The following ADAMTSL1 variants were observed in gnomAD, a reference collection of about 807,000 sequenced individuals.
The protein encoded by ADAMTSL1 is ADAMTS-like protein 1.
Under a neutral mutation model 201.8 loss-of-function variants are expected in ADAMTSL1, and 126 were observed. That is an observed-to-expected ratio of 0.62 (90% CI 0.54 to 0.72). ADAMTSL1 has a LOEUF of 0.72. ADAMTSL1 is among the 30% of genes least tolerant of loss of function. ADAMTSL1 has a pLI of 0.00. For missense variants in ADAMTSL1, 2,679 were observed against 2,277.8 expected, an observed-to-expected ratio of 1.18 and a Z score of -3.59; for synonymous variants, 1,121 against 903.4, an observed-to-expected ratio of 1.24 and a Z score of -4.32.
At chr9:18,836,857 A>G (rs981305215) in intron 23 of ADAMTSL1, among the ~76,000 whole-genome samples, 1 of 151,844 alleles carries the variant, frequency 6.6e-6, no homozygotes, top group African/African-American at 2.4e-5. Flanking sequence ...ATTTTTGTGT[A>G]TTTTTGTGTT....
intron 15 of ADAMTSL1, among the ~76,000 whole-genome samples, chr9:18,732,538 G>A (rs1406659365): frequency 1.3e-5 from 2 of 152,304 alleles, no homozygotes; most frequent in Middle Eastern, 3.4e-3. Flanking sequence ...AGGGAGGAAG[G>A]TCCTTTGACA....
chr9:18,265,983 C>T lies in ADAMTSL1; in HGVS notation c.207+102002C>T, dbSNP rs977588841. On this transcript the variant is annotated intron_variant, in intron 2 of 29. Coordinates refer to the ADAMTSL1 transcript ENST00000680146. ...TTTTGAGTGATATTTGTGACATTAA[C>T]ATGGAATAACTTTAATTTAAAATAA... 4.6e-5 allele frequency among the ~76,000 whole-genome samples: 7 copies of T among 151,970 alleles called. No individual in the cohort carries two copies. In the East Asian group the frequency reaches 5.8e-4, roughly 13 times the overall value.
chr9:18,537,553 C>T (rs530348803), intron 3 of ADAMTSL1, among the ~76,000 whole-genome samples: 12 of 152,152 alleles, frequency 7.9e-5, no homozygotes, highest in African/African-American at 2.2e-4. Context: ...AAAGTACTTA[C>T]GTTATATTTT....
chr9:18,905,759 T>C, intron 26 of ADAMTSL1, 23 bp from the exon 27 acceptor site: 1 of 1,595,082 alleles, frequency 6.3e-7, no homozygotes, highest in Non-Finnish European at 8.6e-7. Context: ...ATGTGCGGTA[T>C]GTTACCTTTT....
At chr9:18,539,409 G>C (rs1052153441) in intron 3 of ADAMTSL1, among the ~76,000 whole-genome samples, 1 of 152,190 alleles carries the variant, frequency 6.6e-6, no homozygotes, top group Non-Finnish European at 1.5e-5. Context: ...GACCATGTCT[G>C]ATTCTTTCAC....
chr9:18,451,333 A>G (rs1385859326), intron 2 of ADAMTSL1, among the ~76,000 whole-genome samples: 4 of 152,166 alleles, frequency 2.6e-5, no homozygotes, highest in East Asian at 3.9e-4. Context: ...CATTTTTTCA[A>G]CCTAGCTTAT....
At chr9:18,761,267 A>C (rs1188301416) in intron 16 of ADAMTSL1, among the ~76,000 whole-genome samples, 1 of 152,250 alleles carries the variant, frequency 6.6e-6, no homozygotes, top group Non-Finnish European at 1.5e-5. Context: ...TACCAAGAAG[A>C]AACCAGAAAT....
chr9:18,060,462 G>A (rs1031217772), intron 1 of ADAMTSL1, among the ~76,000 whole-genome samples: 6 of 152,150 alleles, frequency 3.9e-5, no homozygotes, highest in Non-Finnish European at 7.4e-5. Context: ...GAGGGTCAGA[G>A]TCTGTATGAT....
chr9:18,308,707 C>G (rs1295552411), intron 2 of ADAMTSL1, among the ~76,000 whole-genome samples: 1 of 151,976 alleles, frequency 6.6e-6, no homozygotes, highest in East Asian at 1.9e-4. Context: ...GCCTACCAAC[C>G]AAAAAAAGTC....
intron 2 of ADAMTSL1, among the ~76,000 whole-genome samples, chr9:18,185,377 T>C (rs1828688871): frequency 6.6e-6 from 1 of 152,140 alleles, no homozygotes; most frequent in African/African-American, 2.4e-5. Flanking sequence ...AAGTAAACAC[T>C]TCCCCTGATG....
chr9:18,795,442 G>A lies in ADAMTSL1; in HGVS notation c.3723G>A (p.Val1241=), dbSNP rs1822359682. 6.2e-7 allele frequency: 1 copy of A among 1,613,870 alleles called. No homozygotes were observed. Among genetic ancestry groups the A allele is most frequent in the Non-Finnish European group, 8.5e-7 (1 of 1,179,848 alleles). Residue 1241 remains valine (V), a synonymous_variant, in exon 20 of 29, where the codon GTG becomes GTA. Transcript: ENST00000380548. ...PDDSLQILAP[V]EADVGFYTCN... Reference sequence around the variant, plus strand: ...ATTCCTTACAGATCTTGGCACCAGTGGAAGCAGATGTGGGTTTCTACACTT... The same window carrying A: ...ATTCCTTACAGATCTTGGCACCAGTAGAAGCAGATGTGGGTTTCTACACTT...
chr9:17,947,212 A>T (rs536155149), intron 1 of ADAMTSL1, among the ~76,000 whole-genome samples: 2 of 151,326 alleles, frequency 1.3e-5, no homozygotes, highest in South Asian at 4.2e-4. Flanking sequence ...GTAATTAAAA[A>T]CACAGTCTGT....
At chr9:18,407,198 G>A (rs1293461557) in intron 2 of ADAMTSL1, among the ~76,000 whole-genome samples, 1 of 151,620 alleles carries the variant, frequency 6.6e-6, no homozygotes, top group African/African-American at 2.4e-5. Flanking sequence ...AGCTGCCTGG[G>A]GTTCTCACAA....
chr9:18,648,350 G>T (rs1345095418), intron 7 of ADAMTSL1, among the ~76,000 whole-genome samples: 2 of 150,858 alleles, frequency 1.3e-5, no homozygotes, highest in Non-Finnish European at 1.5e-5. Flanking sequence ...CAATTTGCCA[G>T]TCTGTGTCTT....
intron 2 of ADAMTSL1, among the ~76,000 whole-genome samples, chr9:18,438,796 C>G (rs1047280191): frequency 5.3e-5 from 8 of 152,124 alleles, no homozygotes; most frequent in Non-Finnish European, 1.0e-4. Context: ...CGCCGGGCAG[C>G]CCCTCTCGCT....
chr9:18,621,556 C>CCACACACACACACACACA (rs57351480), intron 4 of ADAMTSL1, among the ~76,000 whole-genome samples: 2 of 143,728 alleles, frequency 1.4e-5, no homozygotes, highest in Non-Finnish European at 1.5e-5. Flanking sequence ...CCGTCCTCTT[C>CCACACACACACACACACA]CACACACACA....
intron 28 of ADAMTSL1, chr9:18,908,127 A>G (rs1830418230): frequency 2.6e-6 from 1 of 377,906 alleles, no homozygotes; most frequent in Non-Finnish European, 5.0e-6. Context: ...GAGATGAGGT[A>G]ATCCCAAGAA....
rs73418919 is a variant in ADAMTSL1, at chr9:18,447,453, C to A, written c.208-57376C>A. Among the ~76,000 whole-genome samples the A allele has an allele frequency of 7.8e-3, 1,186 of 152,112 alleles. 13 individuals carry two copies. Among genetic ancestry groups the A allele is most frequent in the African/African-American group, 0.027 (1,126 of 41,486 alleles). On this transcript the variant is annotated intron_variant, in intron 2 of 29. Transcript: ENST00000680146. ...ATTGAAATAATGGGGAAAATGAGAG[C>A]CAAACCTGTGGGGAAGAGGGAGGGA...
intron 5 of ADAMTSL1, among the ~76,000 whole-genome samples, chr9:18,623,604 T>TC (rs1826172699): frequency 6.6e-6 from 1 of 152,216 alleles, no homozygotes; most frequent in Admixed American, 6.5e-5. Context: ...GTACAAGTTC[T>TC]CATGGTACCT....
Sources: gnomAD v4.1 joint callset for allele counts (sites outside exome capture counted in the v4.1 genomes callset) on GRCh38, gnomAD v4.1.1 for gene constraint, MANE v1.5 for transcripts, NCBI Gene and HGNC (gene_info 2026-07-23, HGNC 2026-07-21) for gene names.